Variants in FREM2 observed in about 807,000 individuals in gnomAD.
The protein encoded by FREM2 is FRAS1 related extracellular matrix 2, also known as FRAS1-related extracellular matrix protein 2.
Under a neutral mutation model 219.9 loss-of-function variants are expected in FREM2, and 119 were observed. The observed-to-expected ratio is 0.54, with a 90% CI of 0.47 to 0.63. FREM2 has a LOEUF of 0.63. FREM2 is among the 30% of genes least tolerant of loss of function. The pLI, the probability that FREM2 is intolerant of heterozygous loss-of-function variation, is 0.00. For missense variants in FREM2, 4,030 were observed against 3,993.6 expected (o/e 1.01, Z -0.25); for synonymous variants, 1,562 against 1,522.8 (o/e 1.03, Z -0.60).
rs1246094853 is a variant in FREM2, at chr13:38,864,521, A to G, written c.7898A>G (p.Glu2633Gly). 3 of 1,614,230 alleles carry G rather than the reference A, an allele frequency of 1.9e-6. No individual in the cohort carries two copies. The highest frequency in any genetic ancestry group is 2.5e-6 in the Non-Finnish European group (3 of 1,180,034). The change falls in exon 16 of 24, where the codon GAG (glutamate) becomes GGG (glycine). Residue 2633 changes from glutamate to glycine, a missense_variant. Glu to Gly is a moderately conservative substitution (Grantham distance 98). Transcript: ENST00000280481. ...TLRFYRNLNLEACLWEFVSYY... is the reference protein window; with the variant it reads ...TLRFYRNLNLGACLWEFVSYY... ...CGCTTCTACCGGAACCTGAACCTAG[A>G]GGCCTGTTTATGGGAGTTCGTTAGC...
intron 12 of FREM2, 73 bp downstream of exon 12, chr13:38,856,329 A>G: frequency 1.5e-6 from 2 of 1,366,376 alleles, no homozygotes; most frequent in Non-Finnish European, 2.1e-6. Context: ...GCAATCACAT[A>G]GTGTACAACA....
chr13:38,817,921 A>G (rs544343005), intron 6 of FREM2, among the ~76,000 whole-genome samples: 2 of 152,094 alleles, frequency 1.3e-5, no homozygotes, highest in Non-Finnish European at 2.9e-5. Context: ...CATACAAATG[A>G]CAAACAGGTA....
chr13:38,867,093 G>C (rs1476815643), intron 16 of FREM2, among the ~76,000 whole-genome samples: 1 of 152,028 alleles, frequency 6.6e-6, no homozygotes, highest in Non-Finnish European at 1.5e-5. Context: ...TCATTACTCT[G>C]CTTCTCTATT....
At position 38,690,386 on chromosome 13, in the gene FREM2, T is replaced by A. The variant is rs1869774759; in HGVS notation, c.3042T>A (p.Val1014=). Residue 1014 remains valine (V), a synonymous_variant, in exon 1 of 24, where the codon GTT becomes GTA. Transcript: ENST00000280481. ...FTQRDILEGS[V]VYTHTSGEIG... ...AAAGGGACATCTTGGAGGGCTCTGT[T>A]GTATATACCCACACCAGTGGTGAGA... The A allele has an allele frequency of 1.2e-6, 2 of 1,613,908 alleles. No individual in the cohort carries two copies. The highest frequency in any genetic ancestry group is 1.7e-6 in the Non-Finnish European group (2 of 1,180,038).
In FREM2 at chr13:38,850,197, G is replaced by T. The variant is rs140528316; in HGVS notation, c.6539G>T (p.Arg2180Leu). The T allele has an allele frequency of 1.9e-6, 3 of 1,613,780 alleles. No individual in the cohort carries two copies. The African/African-American group carries it at 4.0e-5, about 22-fold the overall frequency. Reference sequence around the variant, plus strand: ...CAGGTGATGATGGACTTTGAAGAACGCCCAAACACTGATACCTCCATCATC... The same window carrying T: ...CAGGTGATGATGGACTTTGAAGAACTCCCAAACACTGATACCTCCATCATC... ...SAQVMMDFEE[R>L]PNTDTSIITF... Residue 2180 changes from arginine to leucine, a missense_variant, in exon 9 of 24, where the codon CGC (arginine) becomes CTC (leucine). By Grantham distance (102) the Arg-to-Leu change is moderately radical (BLOSUM62 -2). This residue lies in a region of FREM2 where 3,102 missense variants were observed against 2,950.7 expected (regional missense o/e 1.05). Coordinates refer to ENST00000280481, the MANE Select transcript of FREM2 (RefSeq NM_207361.6).
At chr13:38,847,296 C>A in intron 7 of FREM2, among the ~76,000 whole-genome samples, 1 of 146,362 alleles carries the variant, frequency 6.8e-6, no homozygotes, top group South Asian at 2.1e-4. Context: ...TTCAAAATTT[C>A]CTTTTTTTTC....
At chr13:38,861,781 C>T (rs1295200583) in intron 15 of FREM2, among the ~76,000 whole-genome samples, 1 of 152,192 alleles carries the variant, frequency 6.6e-6, no homozygotes, top group Non-Finnish European at 1.5e-5. Flanking sequence ...AGATGTAATA[C>T]ATATCCAGAC....
Position 38,851,000 on chromosome 13 carries a change from G to A in FREM2, c.6634G>A (p.Val2212Ile). Residue 2212 changes from valine to isoleucine, a missense_variant, in exon 10 of 24, where the codon GTA becomes ATA. Transcript: ENST00000280481. ...ELMDDVLYEE[V>I]EELRLVLGTP... The stretch of plus-strand genomic sequence containing the variant: ...GATGGACGATGTGCTCTATGAGGAG[G>A]TAGAGGAGCTCCGCCTGGTACTCGG... 2 of 1,613,766 alleles carry A rather than the reference G, an allele frequency of 1.2e-6. No individual in the cohort carries two copies. The highest frequency in any genetic ancestry group is 1.1e-5 in the South Asian group (1 of 91,064).
intron 2 of FREM2, among the ~76,000 whole-genome samples, chr13:38,733,690 T>G (rs1871862268): frequency 6.6e-6 from 1 of 152,208 alleles, no homozygotes; most frequent in South Asian, 2.1e-4. Flanking sequence ...TTATTTTATT[T>G]TGAGACAGGG....
chr13:38,836,181 C>T (rs1876698957), intron 6 of FREM2, among the ~76,000 whole-genome samples: 1 of 152,176 alleles, frequency 6.6e-6, no homozygotes, highest in Non-Finnish European at 1.5e-5. Context: ...AAGGTCTTTT[C>T]TGCATCTATT....
chr13:38,812,066 T>G (rs763312514), intron 6 of FREM2, among the ~76,000 whole-genome samples: 14 of 152,226 alleles, frequency 9.2e-5, no homozygotes, highest in Non-Finnish European at 1.9e-4. Flanking sequence ...TGTCTTTTCT[T>G]GCAGTTTTTG....
At chr13:38,769,160 T>G (rs560390510) in intron 3 of FREM2, among the ~76,000 whole-genome samples, 3 of 152,346 alleles carry the variant, frequency 2.0e-5, no homozygotes, top group Non-Finnish European at 4.4e-5. Flanking sequence ...AGTTTCTTAT[T>G]GGCTTATATT....
At chr13:38,852,293 T>A (rs1440364401) in intron 11 of FREM2, among the ~76,000 whole-genome samples, 1 of 152,170 alleles carries the variant, frequency 6.6e-6, no homozygotes, top group Non-Finnish European at 1.5e-5. Context: ...TTTAAATTCC[T>A]CTCGTTTAGT....
rs144582052 is a variant in FREM2 at position 38,850,078 on chromosome 13, C to T, written c.6420C>T (p.Ser2140=). ...MQFKERIYTG[S]ESDGQIVTMI... is the part of the protein sequence containing the mutation. ...TCAAAGAACGAATATATACTGGCAG[C>T]GAAAGTGATGGGCAGATAGTTACAA... Residue 2140 remains serine, a synonymous_variant, in exon 9 of 24, where the codon AGC becomes AGT. Coordinates refer to ENST00000280481, the MANE Select transcript of FREM2 (RefSeq NM_207361.6). The T allele has an allele frequency of 2.2e-5, 35 of 1,613,910 alleles. No individual in the cohort carries two copies. The highest frequency in any genetic ancestry group is 1.7e-4 in the Middle Eastern group (1 of 6,060).
chr13:38,793,794 G>C (rs1566144520), intron 6 of FREM2, among the ~76,000 whole-genome samples: 1 of 152,194 alleles, frequency 6.6e-6, no homozygotes, highest in East Asian at 1.9e-4. Flanking sequence ...AGGCATCTGA[G>C]AGATAGTGCT....
chr13:38,816,031 T>G (rs1441697305), intron 6 of FREM2, among the ~76,000 whole-genome samples: 7 of 152,128 alleles, frequency 4.6e-5, no homozygotes, highest in Admixed American at 4.6e-4. Context: ...GATTGAACCA[T>G]GAAGAAATAG....
intron 2 of FREM2, among the ~76,000 whole-genome samples, chr13:38,715,097 A>G (rs550541816): frequency 8.5e-5 from 13 of 152,332 alleles, no homozygotes; most frequent in Admixed American, 5.2e-4. Context: ...TGTCCCAAGA[A>G]ATAAATAAAT....
Position 38,846,601 on chromosome 13 carries a change from A to G in FREM2, c.6048A>G (p.Glu2016=), listed in dbSNP as rs773034851. 1.9e-6 allele frequency: 3 copies of G among 1,613,774 alleles called. No homozygotes were observed. The highest frequency in any genetic ancestry group is 8.5e-7 in the Non-Finnish European group (1 of 1,179,776). ...CCATCTTTTACTTCGGTGATGTGGA[A>G]TACTCTGTGGATGAGAGTGCTGGCT... ...DEPIFYFGDV[E]YSVDESAGYV... is the part of the protein sequence containing the mutation. Residue 2016 remains glutamate (E), a synonymous_variant, in exon 7 of 24, where the codon GAA becomes GAG. Coordinates refer to ENST00000280481, the MANE Select transcript of FREM2 (RefSeq NM_207361.6).
intron 6 of FREM2, among the ~76,000 whole-genome samples, chr13:38,825,527 G>A (rs1050104208): frequency 2.6e-5 from 4 of 152,010 alleles, no homozygotes; most frequent in Non-Finnish European, 4.4e-5. Context: ...TCCTAGGTAC[G>A]TCTCTGAAAA....
Sources: allele counts gnomAD v4.1 joint callset (sites outside exome capture counted in the v4.1 genomes callset), GRCh38; gene constraint gnomAD v4.1.1; regional missense constraint gnomAD v4.1.1; transcripts MANE v1.5; gene names NCBI Gene and HGNC (gene_info 2026-07-23, HGNC 2026-07-21).